RBFOX3: variants seen among roughly 807,000 people sequenced by gnomAD.
RBFOX3 encodes the protein RNA binding fox-1 homolog 3.
RBFOX3 carries 17 observed loss-of-function variants against 48.7 expected under a neutral mutation model. The ratio of observed to expected loss-of-function variants is 0.35; its 90% CI spans 0.24 to 0.52. The LOEUF (loss-of-function observed/expected upper bound fraction) is 0.52. RBFOX3 is among the 20% of genes least tolerant of loss of function. The pLI is 0.94. For synonymous variants in RBFOX3, 212 were observed against 209.5 expected, an observed-to-expected ratio of 1.01 and a Z score of -0.10; for missense variants, 382 against 497.5, an observed-to-expected ratio of 0.77 and a Z score of 2.21.
intron 2 of RBFOX3, among the ~76,000 whole-genome samples, chr17:79,414,345 G>A (rs911483062): frequency 2.6e-5 from 4 of 152,252 alleles, no homozygotes; most frequent in Admixed American, 1.3e-4. Context: ...AATGTACAGC[G>A]AGTTCCTTCA....
the RBFOX3 span, among the ~76,000 whole-genome samples, chr17:79,621,883 C>G: frequency 6.6e-6 from 1 of 151,492 alleles, no homozygotes; most frequent in Admixed American, 6.6e-5. Flanking sequence ...CATACAAGAT[C>G]GAGCGTGTGT....
chr17:79,374,963 C>T lies in RBFOX3; in HGVS notation c.-174-67139G>A, dbSNP rs534467468. ...AAGCTGCGGCTGCTTCCCTCTCTCC[C>T]TCCTGCCCCAGCCCTACCCACCTCC... On this transcript the variant is annotated intron_variant, in intron 2 of 14. Coordinates refer to ENST00000693108, the MANE Select transcript of RBFOX3 (RefSeq NM_001350451.2). 3.2e-3 allele frequency among the ~76,000 whole-genome samples: 493 copies of T among 152,270 alleles called. 2 individuals are homozygous for T. Among genetic ancestry groups the T allele is most frequent in the Non-Finnish European group, 4.9e-3 (336 of 68,008 alleles).
rs1464758652 is a variant in RBFOX3, at chr17:79,553,960, C to G, written c.-320+56866G>C. On this transcript the variant is annotated intron_variant, in intron 1 of 14. Transcript: ENST00000693108. ...CGTTGGCCAGATTGGTCTCAAATTC[C>G]CAACCTCAGGCAATCCACCCGCCTC... Among the ~76,000 whole-genome samples the G allele has an allele frequency of 2.6e-5, 4 of 152,282 alleles. No homozygotes were observed. In the East Asian group the frequency reaches 7.7e-4, roughly 29 times the overall value.
chr17:79,353,154 C>T (rs2084286096), intron 2 of RBFOX3, among the ~76,000 whole-genome samples: 1 of 152,240 alleles, frequency 6.6e-6, no homozygotes, highest in South Asian at 2.1e-4. Flanking sequence ...CCCTGAACAA[C>T]CTCGCCCTGA....
intron 2 of RBFOX3, among the ~76,000 whole-genome samples, chr17:79,365,850 G>A (rs2057667134): frequency 6.6e-6 from 1 of 152,244 alleles, no homozygotes; most frequent in Non-Finnish European, 1.5e-5. Context: ...CGAGAGGGAA[G>A]GGGGCTTGCC....
At chr17:79,420,254 CA>C (rs2066091365) in intron 2 of RBFOX3, among the ~76,000 whole-genome samples, 1 of 151,972 alleles carries the variant, frequency 6.6e-6, no homozygotes, top group South Asian at 2.1e-4. Context: ...AGTCACTTTA[CA>C]AAAGGTCCCT....
chr17:79,378,803 G>A (rs115278970), intron 2 of RBFOX3, among the ~76,000 whole-genome samples: 178 of 152,284 alleles, frequency 1.2e-3, no homozygotes, highest in African/African-American at 4.1e-3. Context: ...TCTCAGCCTC[G>A]CCCCCGGAAC....
chr17:79,591,049 C>T (rs2093401991), intron 1 of RBFOX3, among the ~76,000 whole-genome samples: 1 of 152,206 alleles, frequency 6.6e-6, no homozygotes, highest in African/African-American at 2.4e-5. Flanking sequence ...CTGCCGGGGA[C>T]CCTGGGAGCA....
chr17:79,209,759 G>C (rs8071345), intron 4 of RBFOX3, among the ~76,000 whole-genome samples: 22,175 of 151,940 alleles, frequency 0.15, 2,226 homozygotes, highest in East Asian at 0.38. Context: ...TTTGGGAGGC[G>C]GAGGCGGGTG....
intron 4 of RBFOX3, among the ~76,000 whole-genome samples, chr17:79,190,322 A>C (rs1281907452): frequency 6.6e-6 from 1 of 151,736 alleles, no homozygotes; most frequent in Non-Finnish European, 1.5e-5. Context: ...GAGGCAGGAG[A>C]ATCACTTGAA....
At chr17:79,359,946 G>A (rs1185253261) in intron 2 of RBFOX3, among the ~76,000 whole-genome samples, 1 of 152,046 alleles carries the variant, frequency 6.6e-6, no homozygotes, top group African/African-American at 2.4e-5. Flanking sequence ...GGCTGATCTC[G>A]AACTCCAGGG....
At chr17:79,633,430 A>T in the RBFOX3 span, among the ~76,000 whole-genome samples, 1 of 152,142 alleles carries the variant, frequency 6.6e-6, no homozygotes, top group Admixed American at 6.5e-5. Context: ...ACGCGTGTCC[A>T]CCGTAGGGAG....
chr17:79,373,528 C>T (rs1054944984), intron 2 of RBFOX3, among the ~76,000 whole-genome samples: 1 of 152,094 alleles, frequency 6.6e-6, no homozygotes. Flanking sequence ...AGGGGCCAGA[C>T]GGGTGCTTAC....
At chr17:79,126,430 G>A (rs533097125) in intron 4 of RBFOX3, among the ~76,000 whole-genome samples, 36 of 152,160 alleles carry the variant, frequency 2.4e-4, no homozygotes, top group Non-Finnish European at 3.4e-4. Flanking sequence ...GAGGAATCTG[G>A]TGTTGGAAGG....
intron 1 of RBFOX3, among the ~76,000 whole-genome samples, chr17:79,533,061 C>T (rs1376657316): frequency 5.3e-5 from 8 of 152,236 alleles, no homozygotes; most frequent in African/African-American, 1.2e-4. Flanking sequence ...TCTTGACTCC[C>T]GTGATTCCTT....
At chr17:79,177,576 A>G (rs2050871220) in intron 4 of RBFOX3, among the ~76,000 whole-genome samples, 1 of 152,152 alleles carries the variant, frequency 6.6e-6, no homozygotes, top group South Asian at 2.1e-4. Flanking sequence ...TTGGAGAGCC[A>G]GGGGGCACAC....
intron 3 of RBFOX3, among the ~76,000 whole-genome samples, chr17:79,298,590 G>A (rs1380162470): frequency 6.6e-6 from 1 of 152,172 alleles, no homozygotes; most frequent in African/African-American, 2.4e-5. Flanking sequence ...GGTGGAACAC[G>A]GCACACCAGG....
intron 4 of RBFOX3, among the ~76,000 whole-genome samples, chr17:79,118,232 G>A (rs996118105): frequency 1.3e-5 from 2 of 152,140 alleles, no homozygotes; most frequent in Non-Finnish European, 2.9e-5. Flanking sequence ...CACAAAGCCA[G>A]CTGGCTCCTT....
rs149742912 is a variant in RBFOX3 at position 79,273,931 on chromosome 17, C to T, written c.-74+33793G>A. Among the ~76,000 whole-genome samples, 514 of 152,284 alleles carry T rather than the reference C, an allele frequency of 3.4e-3. 3 individuals are homozygous for T. The highest frequency in any genetic ancestry group is 0.012 in the African/African-American group (483 of 41,566). On this transcript the variant is annotated intron_variant, in intron 3 of 14. Transcript: ENST00000693108. Reference sequence around the variant, plus strand: ...CTGACCCAGGTCTCCCTGCCTCCTCCGTTTCCTGCAGGCACAACTCTTCCA... The same window carrying T: ...CTGACCCAGGTCTCCCTGCCTCCTCTGTTTCCTGCAGGCACAACTCTTCCA...
Sources: gnomAD v4.1 joint callset for allele counts (sites outside exome capture counted in the v4.1 genomes callset) on GRCh38, gnomAD v4.1.1 for gene constraint, MANE v1.5 for transcripts, NCBI Gene and HGNC (gene_info 2026-07-23, HGNC 2026-07-21) for gene names.